KCNIP4: variants seen among roughly 807,000 people sequenced by gnomAD.
The protein encoded by KCNIP4 is Kv channel-interacting protein 4.
A neutral mutation model predicts 34.0 loss-of-function variants in KCNIP4; 12 were observed. The observed-to-expected ratio is 0.35, with a 90% CI of 0.23 to 0.57. The LOEUF (loss-of-function observed/expected upper bound fraction) is 0.57. Among genes scored for constraint, KCNIP4 ranks in the 20% least tolerant of loss-of-function variants. The pLI, the probability that KCNIP4 is intolerant of heterozygous loss-of-function variation, is 0.83. For missense variants in KCNIP4, 238 were observed against 311.7 expected (o/e 0.76, Z 1.78); for synonymous variants, 124 against 102.2 (o/e 1.21, Z -1.29).
intron 1 of KCNIP4, among the ~76,000 whole-genome samples, chr4:21,479,108 T>A (rs767678769): frequency 3.3e-5 from 5 of 152,142 alleles, no homozygotes; most frequent in Non-Finnish European, 5.9e-5. Flanking sequence ...ACCTCTGGGC[T>A]TATATGTAAG....
rs767314805 is a variant in KCNIP4, at chr4:21,247,820, T to TATACACAC, written c.62-365112_62-365111insGTGTGTAT. On this transcript the variant is annotated intron_variant, in intron 1 of 8. Transcript: ENST00000382152. ...AGGTGGATATATATATATATATATA[T>TATACACAC]ACACACACACACAGACACCACAGGT... Among the ~76,000 whole-genome samples the TATACACAC allele has an allele frequency of 4.9e-5, 5 of 101,168 alleles. No individual in the cohort carries two copies. The South Asian group carries it at 1.3e-3, about 26-fold the overall frequency. 66.4% of individuals were successfully genotyped at this position (101,168 alleles called of 152,430 possible). A position where few individuals can be genotyped will look rare whatever the true frequency, so the allele number is the denominator to read the frequency against.
chr4:21,147,574 C>T (rs1752449752), intron 1 of KCNIP4, among the ~76,000 whole-genome samples: 2 of 152,000 alleles, frequency 1.3e-5, no homozygotes, highest in African/African-American at 2.4e-5. Context: ...AATGTATTTA[C>T]TCCTAATTTC....
At chr4:21,048,914 C>T (rs947754611) in intron 1 of KCNIP4, among the ~76,000 whole-genome samples, 1 of 151,574 alleles carries the variant, frequency 6.6e-6, no homozygotes, top group Non-Finnish European at 1.5e-5. Flanking sequence ...ATCTAAACAA[C>T]CCCCAGCTCT....
intron 1 of KCNIP4, among the ~76,000 whole-genome samples, chr4:21,352,585 C>T (rs921504544): frequency 6.6e-6 from 1 of 152,224 alleles, no homozygotes; most frequent in Non-Finnish European, 1.5e-5. Flanking sequence ...GGGATGTTCA[C>T]CATTGCTGAG....
At chr4:20,864,835 T>C (rs1722707228) in intron 2 of KCNIP4, among the ~76,000 whole-genome samples, 3 of 152,152 alleles carry the variant, frequency 2.0e-5, no homozygotes, top group African/African-American at 4.8e-5. Flanking sequence ...GGCCTAAATC[T>C]TGATCTTTTT....
chr4:21,066,630 T>A (rs937918250), intron 1 of KCNIP4, among the ~76,000 whole-genome samples: 2 of 152,108 alleles, frequency 1.3e-5, no homozygotes, highest in African/African-American at 4.8e-5. Context: ...AACTCAGTGC[T>A]GTCCTGTCAC....
intron 1 of KCNIP4, among the ~76,000 whole-genome samples, chr4:21,053,022 CACATACACACACACACAT>C (rs147326610): frequency 0.022 from 3,367 of 151,596 alleles, 112 homozygotes; most frequent in African/African-American, 0.076. Context: ...CACACACACA[CACATACACACACACACAT>C]ATATATATAT....
intron 5 of KCNIP4, among the ~76,000 whole-genome samples, chr4:20,739,498 G>C (rs1052869843): frequency 3.3e-5 from 5 of 152,172 alleles, no homozygotes; most frequent in Non-Finnish European, 7.3e-5. Flanking sequence ...CTGCAGCTGA[G>C]GGTCCTGACT....
chr4:21,239,518 C>A (rs79935157), intron 1 of KCNIP4, among the ~76,000 whole-genome samples: 3 of 151,658 alleles, frequency 2.0e-5, no homozygotes, highest in Non-Finnish European at 4.4e-5. Flanking sequence ...TGAACTCAAG[C>A]GAATTTACAA....
chr4:21,334,368 G>A (rs950287980), intron 1 of KCNIP4, among the ~76,000 whole-genome samples: 3 of 150,748 alleles, frequency 2.0e-5, no homozygotes, highest in African/African-American at 7.4e-5. Context: ...TGTTCTGAGG[G>A]GCATAAGTTT....
intron 3 of KCNIP4, among the ~76,000 whole-genome samples, chr4:20,847,813 T>C (rs762645376): frequency 3.9e-5 from 6 of 152,192 alleles, no homozygotes; most frequent in Non-Finnish European, 8.8e-5. Flanking sequence ...TTTAATATGT[T>C]GACGAATGGT....
At chr4:21,140,080 G>C (rs1751826853) in intron 1 of KCNIP4, among the ~76,000 whole-genome samples, 1 of 152,094 alleles carries the variant, frequency 6.6e-6, no homozygotes, top group Non-Finnish European at 1.5e-5. Flanking sequence ...GTTCATAGTA[G>C]AGTGCGAAAT....
intron 1 of KCNIP4, among the ~76,000 whole-genome samples, chr4:20,936,412 A>G (rs1365345348): frequency 3.6e-5 from 2 of 56,154 alleles, no homozygotes; most frequent in African/African-American, 6.9e-5. Flanking sequence ...ATTAAAAGAT[A>G]TGTTTTTTTT....
intron 1 of KCNIP4, among the ~76,000 whole-genome samples, chr4:21,193,114 TAAA>T (rs368675068): frequency 2.8e-5 from 4 of 141,520 alleles, no homozygotes. Flanking sequence ...AGACCCTGGC[TAAA>T]AAAAAAAAAA....
chr4:21,673,148 G>GA (rs1291096957), intron 1 of KCNIP4, among the ~76,000 whole-genome samples: 4 of 152,166 alleles, frequency 2.6e-5, no homozygotes, highest in Admixed American at 1.3e-4. Context: ...AGGAGGTGGG[G>GA]ATACTTGTAA....
At chr4:21,464,744 A>G (rs1015538655) in intron 1 of KCNIP4, 13 of 152,146 alleles carry the variant, frequency 8.5e-5, no homozygotes, top group African/African-American at 3.1e-4. Flanking sequence ...GACTTGAGCA[A>G]CGCTATACAC....
chr4:21,939,105 G>A lies in KCNIP4; in HGVS notation c.61+9466C>T, dbSNP rs574241117. On this transcript the variant is annotated intron_variant, in intron 1 of 8. Transcript: ENST00000382152. ...GCTCAGGGATCCAAGGATAAATAAA[G>A]CTATGTCTTAAATTGCAATTCTTCT... is the stretch of plus-strand genomic sequence containing the variant. 5.3e-5 allele frequency among the ~76,000 whole-genome samples: 8 copies of A among 152,246 alleles called. No individual in the cohort carries two copies. The South Asian group carries it at 1.5e-3, about 28-fold the overall frequency.
rs959879525 is a variant in KCNIP4, at chr4:20,912,769, G to T, written c.62-30060C>A. On this transcript the variant is annotated intron_variant, in intron 1 of 8. Coordinates refer to ENST00000382152, the MANE Select transcript of KCNIP4 (RefSeq NM_025221.6). ...AAGAAGATATGCAAATGCCCAATAA[G>T]CACCTGTAAGGATGCTCAAAATCAT... 1.6e-4 allele frequency among the ~76,000 whole-genome samples: 25 copies of T among 152,218 alleles called. No homozygotes were observed. The South Asian group carries it at 2.5e-3, about 15-fold the overall frequency.
intron 1 of KCNIP4, chr4:21,845,800 G>C (rs1723979412): frequency 6.6e-6 from 1 of 152,008 alleles, no homozygotes; most frequent in South Asian, 2.1e-4. Flanking sequence ...TTCTAGCTTT[G>C]TGATAACTCA....
Sources: gnomAD v4.1 joint callset for allele counts (sites outside exome capture counted in the v4.1 genomes callset) on GRCh38, gnomAD v4.1.1 for gene constraint, MANE v1.5 for transcripts, NCBI Gene and HGNC (gene_info 2026-07-23, HGNC 2026-07-21) for gene names.